Variants in CDH12 observed in about 807,000 individuals in gnomAD.
CDH12 encodes cadherin 12, also known as cadherin-12.
In CDH12, 41 loss-of-function variants were observed where a neutral mutation model predicts 74.1. That is an observed-to-expected ratio of 0.55 (90% CI 0.43 to 0.72). The LOEUF (loss-of-function observed/expected upper bound fraction) is 0.72, where lower values mean the gene tolerates loss of function less well. Among genes scored for constraint, CDH12 ranks in the 30% least tolerant of loss-of-function variants. The pLI, the probability that CDH12 is intolerant of heterozygous loss-of-function variation, is 0.00. For missense variants in CDH12, 945 were observed against 977.2 expected (o/e 0.97, Z 0.44); for synonymous variants, 399 against 355.0 (o/e 1.12, Z -1.39).
At chr5:22,808,961 T>A (rs373284666) in intron 1 of CDH12, among the ~76,000 whole-genome samples, 3 of 151,780 alleles carry the variant, frequency 2.0e-5, no homozygotes, top group South Asian at 2.1e-4. Flanking sequence ...TACCACCAGG[T>A]TGAGGGGCAT....
At chr5:22,176,492 A>T (rs1271078546) in intron 4 of CDH12, among the ~76,000 whole-genome samples, 5 of 151,982 alleles carry the variant, frequency 3.3e-5, no homozygotes, top group Admixed American at 3.3e-4. Flanking sequence ...CACCTAAATA[A>T]GCCAGCAGCT....
Position 22,586,305 on chromosome 5 carries a change from G to A in CDH12, c.-522-80941C>T, listed in dbSNP as rs539731126. Among the ~76,000 whole-genome samples the A allele has an allele frequency of 2.5e-3, 379 of 151,982 alleles. 1 individual carries two copies. Among genetic ancestry groups the A allele is most frequent in the African/African-American group, 7.2e-3 (299 of 41,454 alleles). On this transcript the variant is annotated intron_variant, in intron 1 of 14. Transcript: ENST00000382254. Reference sequence around the variant, plus strand: ...TTGAACAATGAGAACACTTGGACACGGGAAGGGGAACATCACACACTGGGG... The same window carrying A: ...TTGAACAATGAGAACACTTGGACACAGGAAGGGGAACATCACACACTGGGG...
At chr5:22,473,172 C>T (rs1203710819) in intron 2 of CDH12, among the ~76,000 whole-genome samples, 1 of 152,080 alleles carries the variant, frequency 6.6e-6, no homozygotes, top group Admixed American at 6.6e-5. Flanking sequence ...GAATATGACT[C>T]AATTTCTCAC....
intron 2 of CDH12, among the ~76,000 whole-genome samples, chr5:22,413,162 G>A (rs1265114477): frequency 6.6e-6 from 1 of 151,974 alleles, no homozygotes; most frequent in East Asian, 1.9e-4. Context: ...TGAGGATAGA[G>A]ATAGAGAGGT....
At chr5:21,967,616 A>G (rs376761633) in intron 6 of CDH12, among the ~76,000 whole-genome samples, 338 of 152,344 alleles carry the variant, frequency 2.2e-3, no homozygotes, top group Non-Finnish European at 3.6e-3. Context: ...AGTGGCTGCT[A>G]AAGTAACTAT....
At chr5:22,532,692 A>G (rs1327737822) in intron 1 of CDH12, among the ~76,000 whole-genome samples, 1 of 151,956 alleles carries the variant, frequency 6.6e-6, no homozygotes, top group Non-Finnish European at 1.5e-5. Context: ...ACAAAGTCTC[A>G]GATGTGAATT....
At chr5:22,561,249 G>C (rs1739033959) in intron 1 of CDH12, among the ~76,000 whole-genome samples, 1 of 151,962 alleles carries the variant, frequency 6.6e-6, no homozygotes, top group Admixed American at 6.6e-5. Flanking sequence ...ACTGGACTAA[G>C]AGCATAAATA....
chr5:21,895,378 C>T (rs1372900482), intron 6 of CDH12, among the ~76,000 whole-genome samples: 1 of 152,150 alleles, frequency 6.6e-6, no homozygotes, highest in Non-Finnish European at 1.5e-5. Flanking sequence ...GGCCGGCGGC[C>T]CTGGCACTGA....
intron 2 of CDH12, among the ~76,000 whole-genome samples, chr5:22,504,806 T>A (rs1736315121): frequency 6.6e-6 from 1 of 152,052 alleles, no homozygotes; most frequent in South Asian, 2.1e-4. Flanking sequence ...TTTATCTCTG[T>A]TTCCTATGTG....
chr5:21,941,821 C>T (rs1439203773), intron 6 of CDH12, among the ~76,000 whole-genome samples: 1 of 151,254 alleles, frequency 6.6e-6, no homozygotes, highest in Non-Finnish European at 1.5e-5. Context: ...TTTTTTTTCC[C>T]AATCTAGCTT....
chr5:22,590,727 C>T (rs1331612513), intron 1 of CDH12, among the ~76,000 whole-genome samples: 1 of 152,026 alleles, frequency 6.6e-6, no homozygotes, highest in Non-Finnish European at 1.5e-5. Flanking sequence ...GCAATTAAAC[C>T]CTGTTTTAAT....
chr5:22,676,186 T>C (rs2126921664), intron 1 of CDH12, among the ~76,000 whole-genome samples: 1 of 152,182 alleles, frequency 6.6e-6, no homozygotes, highest in South Asian at 2.1e-4. Context: ...TGCAATTTTC[T>C]AATATTTGAT....
chr5:22,423,042 A>G lies in CDH12; in HGVS notation c.-427-17691T>C, dbSNP rs538544986. Among the ~76,000 whole-genome samples the G allele has an allele frequency of 2.0e-5, 3 of 152,222 alleles. No homozygotes were observed. In the East Asian group the frequency reaches 5.8e-4, roughly 29 times the overall value. On this transcript the variant is annotated intron_variant, in intron 2 of 14. Transcript: ENST00000382254. ...TGCTATCAAATACTAGAGGGTTGAA[A>G]TTTAATAATTGTGTGATTTCAACAA... is the stretch of plus-strand genomic sequence containing the variant.
At chr5:22,703,153 A>G (rs1022140555) in intron 1 of CDH12, among the ~76,000 whole-genome samples, 7 of 151,962 alleles carry the variant, frequency 4.6e-5, no homozygotes, top group Admixed American at 2.6e-4. Flanking sequence ...CCAAAACTTT[A>G]TTTTCCCTCA....
At chr5:22,072,567 T>TGTGTGTG (rs1320227055) in intron 5 of CDH12, among the ~76,000 whole-genome samples, 1 of 146,990 alleles carries the variant, frequency 6.8e-6, no homozygotes, top group Admixed American at 6.8e-5. Flanking sequence ...TGTGTGTGTG[T>TGTGTGTG]TTAGGCTTTT....
chr5:22,653,038 T>A (rs1472635514), intron 1 of CDH12, among the ~76,000 whole-genome samples: 3 of 152,164 alleles, frequency 2.0e-5, no homozygotes, highest in African/African-American at 7.2e-5. Context: ...CCCATAAACA[T>A]CCACCAAATG....
intron 6 of CDH12, among the ~76,000 whole-genome samples, chr5:21,938,389 A>G (rs1298266929): frequency 2.6e-5 from 4 of 151,768 alleles, no homozygotes. Flanking sequence ...TGAAGATGAT[A>G]GCTGGATAGC....
chr5:22,634,277 C>T (rs1024841622), intron 1 of CDH12, among the ~76,000 whole-genome samples: 4 of 151,904 alleles, frequency 2.6e-5, no homozygotes, highest in Non-Finnish European at 5.9e-5. Flanking sequence ...CAACCAAAAG[C>T]AGAGAGGCAG....
At chr5:22,070,405 A>G (rs775052168) in intron 5 of CDH12, among the ~76,000 whole-genome samples, 1 of 152,146 alleles carries the variant, frequency 6.6e-6, no homozygotes, top group Admixed American at 6.6e-5. Flanking sequence ...TATTTGATCA[A>G]TCATGATCAT....
Sources: allele counts gnomAD v4.1 joint callset (sites outside exome capture counted in the v4.1 genomes callset), GRCh38; gene constraint gnomAD v4.1.1; transcripts MANE v1.5; gene names NCBI Gene and HGNC (gene_info 2026-07-23, HGNC 2026-07-21).